The following SH3PXD2A variants were observed in gnomAD, a reference collection of about 807,000 sequenced individuals.
SH3PXD2A encodes the protein SH3 and PX domain-containing protein 2A.
Under a neutral mutation model 115.2 loss-of-function variants are expected in SH3PXD2A, and 32 were observed. That is an observed-to-expected ratio of 0.28 (90% CI 0.21 to 0.37). SH3PXD2A has a LOEUF of 0.37. SH3PXD2A is among the 10% of genes least tolerant of loss of function. SH3PXD2A has a pLI of 1.00. For missense variants in SH3PXD2A, 1,328 were observed against 1,498.7 expected, an observed-to-expected ratio of 0.89 and a Z score of 1.88; for synonymous variants, 610 against 629.1, an observed-to-expected ratio of 0.97 and a Z score of 0.45.
chr10:103,728,468 G>A (rs572750597), intron 4 of SH3PXD2A, among the ~76,000 whole-genome samples: 1 of 152,190 alleles, frequency 6.6e-6, no homozygotes, highest in African/African-American at 2.4e-5. Flanking sequence ...TATACTTGCT[G>A]TGTGACCTTA....
intron 3 of SH3PXD2A, among the ~76,000 whole-genome samples, chr10:103,749,082 G>A (rs992084092): frequency 4.6e-5 from 7 of 152,058 alleles, no homozygotes; most frequent in African/African-American, 1.2e-4. Context: ...GTAGAGATGG[G>A]GTTTCACTAT....
intron 1 of SH3PXD2A, among the ~76,000 whole-genome samples, chr10:103,845,948 T>G (rs1254573979): frequency 2.0e-5 from 3 of 152,224 alleles, no homozygotes; most frequent in African/African-American, 7.2e-5. Flanking sequence ...AAGTTCATTC[T>G]CAACATGGGG....
chr10:103,800,016 GTAC>G (rs1262028896), intron 2 of SH3PXD2A, among the ~76,000 whole-genome samples: 2 of 152,184 alleles, frequency 1.3e-5, no homozygotes, highest in African/African-American at 2.4e-5. Context: ...CAAGCACACG[GTAC>G]CCAAGATGAC....
intron 1 of SH3PXD2A, among the ~76,000 whole-genome samples, chr10:103,847,764 C>A (rs981074340): frequency 6.6e-5 from 10 of 152,290 alleles, no homozygotes; most frequent in African/African-American, 2.2e-4. Context: ...CATGGCAAAA[C>A]CCCACCTCTA....
intron 1 of SH3PXD2A, among the ~76,000 whole-genome samples, chr10:103,842,703 T>A (rs2039612737): frequency 6.6e-6 from 1 of 152,180 alleles, no homozygotes; most frequent in Non-Finnish European, 1.5e-5. Flanking sequence ...TCCAGTTCCA[T>A]CCACGTTGCT....
At chr10:103,798,414 A>G (rs970369158) in intron 2 of SH3PXD2A, among the ~76,000 whole-genome samples, 8 of 152,164 alleles carry the variant, frequency 5.3e-5, no homozygotes, top group Non-Finnish European at 1.2e-4. Flanking sequence ...GGCTCAAGTG[A>G]TCGTCCCACC....
chr10:103,637,414 C>T (rs1481332035), intron 8 of SH3PXD2A, among the ~76,000 whole-genome samples: 1 of 152,204 alleles, frequency 6.6e-6, no homozygotes, highest in Non-Finnish European at 1.5e-5. Context: ...GTGGGCTGCA[C>T]TCATTCCATG....
chr10:103,631,653 C>G (rs1050440933), intron 8 of SH3PXD2A, among the ~76,000 whole-genome samples: 1 of 152,212 alleles, frequency 6.6e-6, no homozygotes, highest in East Asian at 1.9e-4. Context: ...GAGGGAAGGA[C>G]GGAGCCCACC....
intron 4 of SH3PXD2A, among the ~76,000 whole-genome samples, chr10:103,733,609 C>G (rs1387400723): frequency 6.6e-6 from 1 of 152,172 alleles, no homozygotes; most frequent in Non-Finnish European, 1.5e-5. Flanking sequence ...CTGGGGCATC[C>G]TTTTAAAATA....
In SH3PXD2A at chr10:103,627,444, A is replaced by G. The variant is rs2036715077; in HGVS notation, c.605-242T>C. 6.6e-6 allele frequency among the ~76,000 whole-genome samples: 1 copy of G among 152,240 alleles called. No homozygotes were observed. The highest frequency in any genetic ancestry group is 1.9e-4 in the East Asian group (1 of 5,202). On this transcript the variant is annotated intron_variant, in intron 8 of 14. Coordinates refer to ENST00000369774, the MANE Select transcript of SH3PXD2A (RefSeq NM_001394015.1). This position sits in a 1 kb window ranked among gnomAD's most constrained non-coding sequence, Gnocchi z 4.4. The stretch of plus-strand genomic sequence containing the variant: ...CAATAAACTGTGAGCCACACTAACA[A>G]ATGTCTGATGGAAAATGAAATAGAC...
intron 4 of SH3PXD2A, among the ~76,000 whole-genome samples, chr10:103,730,132 G>T (rs998640421): frequency 2.6e-5 from 4 of 152,010 alleles, no homozygotes; most frequent in African/African-American, 9.7e-5. Flanking sequence ...TCAGGACAAA[G>T]AGCAAAGCTG....
At chr10:103,668,065 C>T (rs1197825633) in intron 7 of SH3PXD2A, among the ~76,000 whole-genome samples, 1 of 152,254 alleles carries the variant, frequency 6.6e-6, no homozygotes, top group Non-Finnish European at 1.5e-5. Flanking sequence ...TGCCCCACCC[C>T]CTGCCCCAAA....
At chr10:103,776,428 GTGTGTGTC>G (rs1227539712) in intron 2 of SH3PXD2A, among the ~76,000 whole-genome samples, 1,174 of 104,324 alleles carry the variant, frequency 0.011, 9 homozygotes, top group Middle Eastern at 0.019. Context: ...GTGCATGCGT[GTGTGTGTC>G]TGTGTGTGTG....
At chr10:103,833,702 C>T (rs917959723) in intron 1 of SH3PXD2A, among the ~76,000 whole-genome samples, 3 of 152,266 alleles carry the variant, frequency 2.0e-5, no homozygotes, top group East Asian at 3.9e-4. Flanking sequence ...CGCCTCCTAA[C>T]GATTCACTGG....
At chr10:103,810,180 G>T (rs4917400) in intron 1 of SH3PXD2A, among the ~76,000 whole-genome samples, 18 of 151,984 alleles carry the variant, frequency 1.2e-4, no homozygotes, top group African/African-American at 2.7e-4. Context: ...GAAGGTGGTT[G>T]GTGGCATGCT....
At chr10:103,743,295 T>A (rs2038464119) in intron 3 of SH3PXD2A, among the ~76,000 whole-genome samples, 1 of 152,106 alleles carries the variant, frequency 6.6e-6, no homozygotes, top group African/African-American at 2.4e-5. Flanking sequence ...TCATTCTAAG[T>A]CTGTTTGATT....
chr10:103,615,483 G>GTGT (rs1554903753), intron 11 of SH3PXD2A, among the ~76,000 whole-genome samples: 1 of 128,524 alleles, frequency 7.8e-6, no homozygotes, highest in Non-Finnish European at 1.6e-5. Flanking sequence ...AGAGTGCGAG[G>GTGT]GTGTGTGTGT....
chr10:103,680,185 G>C (rs2037590348), intron 6 of SH3PXD2A, among the ~76,000 whole-genome samples: 1 of 151,836 alleles, frequency 6.6e-6, no homozygotes, highest in South Asian at 2.1e-4. Flanking sequence ...CACCATGTTG[G>C]CCAGGCTGGT....
chr10:103,801,459 G>A (rs1413462230), intron 1 of SH3PXD2A, 97 bp from the exon 2 acceptor site: 1 of 738,474 alleles, frequency 1.4e-6, no homozygotes, highest in Admixed American at 2.0e-5. Flanking sequence ...CATATGGCAG[G>A]ACCACTCTTT....
Sources: allele counts gnomAD v4.1 joint callset (sites outside exome capture counted in the v4.1 genomes callset), GRCh38; gene constraint gnomAD v4.1.1; non-coding constraint Gnocchi (gnomAD v3.1); transcripts MANE v1.5; gene names NCBI Gene and HGNC (gene_info 2026-07-23, HGNC 2026-07-21).